The following VEGFA variants were observed in gnomAD, a reference collection of about 807,000 sequenced individuals.
The protein encoded by VEGFA is vascular endothelial growth factor A, long form.
A neutral mutation model predicts 49.7 loss-of-function variants in VEGFA; 20 were observed. The ratio of observed to expected loss-of-function variants is 0.40; its 90% CI spans 0.28 to 0.58. The LOEUF (loss-of-function observed/expected upper bound fraction) is 0.58, where lower values mean the gene tolerates loss of function less well. Among genes scored for constraint, VEGFA ranks in the 20% least tolerant of loss-of-function variants. The pLI is 0.40. For synonymous variants in VEGFA, 219 were observed against 223.4 expected, an observed-to-expected ratio of 0.98 and a Z score of 0.18; for missense variants, 505 against 553.5, an observed-to-expected ratio of 0.91 and a Z score of 0.88.
In VEGFA at chr6:43,782,076, A is replaced by T. The variant is rs765514291; in HGVS notation, c.1155A>T (p.Glu385Asp). ...AGGCGAGGCAGCTTGAGTTAAACGA[A>T]CGTACTTGCAGGTTGGTTCCCAGAG... Residue 385 changes from glutamate to aspartate, a missense_variant, in exon 7 of 8, where the codon GAA (glutamate) becomes GAT (aspartate). This residue lies in a region of VEGFA where 165 missense variants were observed against 231.7 expected (regional missense o/e 0.71). Transcript: ENST00000672860. 1 of 1,613,844 alleles carries T rather than the reference A, an allele frequency of 6.2e-7. No individual in the cohort carries two copies. The highest frequency in any genetic ancestry group is 8.5e-7 in the Non-Finnish European group (1 of 1,179,952).
chr6:43,774,785 A>G lies in VEGFA; in HGVS notation c.658+393A>G, dbSNP rs77117352. On this transcript the variant is annotated intron_variant, in intron 2 of 7. Transcript: ENST00000672860. ...ATATAGACATGTCCCATTTGTGGGA[A>G]CTGTGACCCTTCCTGTGTGAGCTGG... is the stretch of plus-strand genomic sequence containing the variant. 17 of 343,116 alleles carry G rather than the reference A, an allele frequency of 5.0e-5. No individual in the cohort carries two copies. The East Asian group carries it at 8.4e-4, about 17-fold the overall frequency. The allele number at this position is 343,116 out of a possible 1,614,324, so 21.3% of individuals were successfully genotyped here.
At chr6:43,780,954 C>T (rs1033314618) in intron 6 of VEGFA, 151 bp downstream of exon 6, 1 of 1,589,366 alleles carries the variant, frequency 6.3e-7, no homozygotes, top group African/African-American at 1.3e-5. Flanking sequence ...CACTCTCTCA[C>T]TCCACTAATT....
Position 43,780,796 on chromosome 6 carries a change from T to C in VEGFA, c.1027T>C (p.Trp343Arg). 3.1e-6 allele frequency: 5 copies of C among 1,613,952 alleles called. No homozygotes were observed. Among genetic ancestry groups the C allele is most frequent in the Non-Finnish European group, 4.2e-6 (5 of 1,179,972 alleles). ...GCGCAAGAAATCCCGGTATAAGTCC[T>C]GGAGCGTGTACGTTGGTGCCCGCTG... The change falls in exon 6 of 8, where the codon TGG (tryptophan) becomes CGG (arginine). Residue 343 changes from tryptophan (W) to arginine (R), a missense_variant. Physicochemically the swap from Trp to Arg is moderately radical, Grantham distance 101. This residue lies in a region of VEGFA where 165 missense variants were observed against 231.7 expected (regional missense o/e 0.71). Coordinates refer to ENST00000672860, the MANE Select transcript of VEGFA (RefSeq NM_003376.6).
chr6:43,778,759 G>T (rs945462785), intron 4 of VEGFA, 130 bp from the exon 5 acceptor site: 3 of 1,116,010 alleles, frequency 2.7e-6, no homozygotes, highest in African/African-American at 3.1e-5. Flanking sequence ...TATATGAAAA[G>T]ATTAAAACAG....
At position 43,777,907 on chromosome 6, in the gene VEGFA, G is replaced by A. The variant is rs1765981969; in HGVS notation, c.855+242G>A. On this transcript the variant is annotated intron_variant, in intron 3 of 7. Transcript: ENST00000672860. The surrounding 1 kb of genome is among the most constrained non-coding windows in gnomAD (Gnocchi z 4.3). ...GATGGTTGCCCATGGGCTCAGGAGG[G>A]GACAGATGGATGCCTGTGTCAGGAG... is the stretch of plus-strand genomic sequence containing the variant. The A allele has an allele frequency of 1.7e-6, 1 of 572,904 alleles. No homozygotes were observed. The highest frequency in any genetic ancestry group is 3.6e-4 in the Middle Eastern group (1 of 2,800). 35.5% of individuals were successfully genotyped at this position (572,904 alleles called of 1,614,324 possible).
At chr6:43,782,122 G>C (rs527871008) in intron 7 of VEGFA, 35 bp downstream of exon 7, 5 of 1,610,778 alleles carry the variant, frequency 3.1e-6, no homozygotes, top group East Asian at 4.5e-5. Context: ...TCAGAGAGGG[G>C]CATCACACAG....
In VEGFA at chr6:43,781,967, C is replaced by T; in HGVS notation, c.1046C>T (p.Pro349Leu). ...TTGCCTTTTTGCAGTCCCTGTGGGCCTTGCTCAGAGCGGAGAAAGCATTTG... is the reference window on the plus strand; with the variant it reads ...TTGCCTTTTTGCAGTCCCTGTGGGCTTTGCTCAGAGCGGAGAAAGCATTTG... The change falls in exon 7 of 8, where the codon CCT (proline) becomes CTT (leucine). Residue 349 changes from proline (P) to leucine (L), a missense_variant. Pro to Leu is a moderately conservative substitution (Grantham distance 98). Around this residue, in one of 2 missense-constraint regions of VEGFA, gnomAD observed 165 missense variants for 231.7 expected, o/e 0.71. Transcript: ENST00000672860. 1 of 1,614,000 alleles carries T rather than the reference C, an allele frequency of 6.2e-7. No homozygotes were observed. The highest frequency in any genetic ancestry group is 8.5e-7 in the Non-Finnish European group (1 of 1,179,964).
chr6:43,780,613 G>A lies in VEGFA; in HGVS notation c.963-119G>A, dbSNP rs3025015. 0.051 allele frequency: 73,782 copies of A among 1,459,574 alleles called. 2,180 individuals are homozygous for A. Among genetic ancestry groups the A allele is most frequent in the South Asian group, 0.058 (4,917 of 84,526 alleles). 90.4% of individuals were successfully genotyped at this position (1,459,574 alleles called of 1,614,324 possible). A position where few individuals can be genotyped will look rare whatever the true frequency, so the allele number is the denominator to read the frequency against. Reference sequence around the variant, plus strand: ...CCACCTGCCTCCTGACACTTCCTCCGGGAAGCGGCCCTGTGTGGCTTTGCT... The same window carrying A: ...CCACCTGCCTCCTGACACTTCCTCCAGGAAGCGGCCCTGTGTGGCTTTGCT... On this transcript the variant is annotated intron_variant, in intron 5 of 7. Coordinates refer to ENST00000672860, the MANE Select transcript of VEGFA (RefSeq NM_003376.6).
At chr6:43,782,194 G>A (rs1280477296) in intron 7 of VEGFA, 107 bp downstream of exon 7, 2 of 1,494,898 alleles carry the variant, frequency 1.3e-6, no homozygotes, top group Admixed American at 1.8e-5. Flanking sequence ...GCGCCTGAGA[G>A]GGGCCAGCTG....
intron 6 of VEGFA, chr6:43,781,232 T>G: frequency 5.4e-6 from 2 of 367,906 alleles, no homozygotes; most frequent in Non-Finnish European, 1.0e-5. Flanking sequence ...TGTGAATGAC[T>G]GGAGGCAGCT....
Position 43,779,719 on chromosome 6 carries a change from C to T in VEGFA, c.962+801C>T, listed in dbSNP as rs567685771. 1.1e-4 allele frequency: 53 copies of T among 466,054 alleles called. 1 individual carries two copies. The East Asian group carries it at 2.4e-3, about 21-fold the overall frequency. The allele number at this position is 466,054 out of a possible 1,614,324, so 28.9% of individuals were successfully genotyped here. A position where few individuals can be genotyped will look rare whatever the true frequency, so the allele number is the denominator to read the frequency against. On this transcript the variant is annotated intron_variant, in intron 5 of 7. Coordinates refer to ENST00000672860, the MANE Select transcript of VEGFA (RefSeq NM_003376.6). ...TCCCAGCTTCCAGAGCGAGGGGATG[C>T]GGAAACCTTCCTTCCACCCTTTGGT...
intron 7 of VEGFA, chr6:43,782,547 G>C (rs1278527950): frequency 4.5e-5 from 12 of 265,716 alleles, no homozygotes; most frequent in Non-Finnish European, 2.2e-5. Context: ...CTGCATGGCT[G>C]GGCTTCTCAC....
At chr6:43,782,125 T>C (rs2128052352) in intron 7 of VEGFA, 38 bp downstream of exon 7, 1 of 1,610,362 alleles carries the variant, frequency 6.2e-7, no homozygotes. Flanking sequence ...GAGAGGGGCA[T>C]CACACAGAGA....
Position 43,771,159 on chromosome 6 carries a change from C to A in VEGFA, c.453C>A (p.Arg151=). The A allele has an allele frequency of 6.4e-7, 1 of 1,552,730 alleles. No individual in the cohort carries two copies. The change falls in exon 1 of 8, where the codon CGC becomes CGA. Residue 151 remains arginine, a synonymous_variant. Transcript: ENST00000672860. ...CGGGCCGGGGAGGAAGAGTAGCTCG[C>A]CGAGGCGCCGAGGAGAGCGGGCCGC...
Position 43,782,149 on chromosome 6 carries a change from A to G in VEGFA, c.1166+62A>G, listed in dbSNP as rs1768017767. ...ATCACACAGAGATGGGGAGAGAGAG[A>G]GAGAAAGAGAGTGAGCGAGCGAGCG... On this transcript the variant is annotated intron_variant, in intron 7 of 7. Coordinates refer to ENST00000672860, the MANE Select transcript of VEGFA (RefSeq NM_003376.6). 5 of 1,604,056 alleles carry G rather than the reference A, an allele frequency of 3.1e-6. No individual in the cohort carries two copies. In the East Asian group the frequency reaches 6.7e-5, roughly 22 times the overall value.
Position 43,777,942 on chromosome 6 carries a change from C to T in VEGFA, c.855+277C>T. The T allele has an allele frequency of 1.9e-6, 1 of 532,234 alleles. No homozygotes were observed. 33.0% of individuals were successfully genotyped at this position (532,234 alleles called of 1,614,324 possible). On this transcript the variant is annotated intron_variant, in intron 3 of 7. Transcript: ENST00000672860. The surrounding 1 kb of genome is among the most constrained non-coding windows in gnomAD (Gnocchi z 4.3). Reference sequence around the variant, plus strand: ...ATGCCTGTGTCAGGAGCCCCTCTCTCCCTCTCTTGGAGAGAGTCCTGAGTG... The same window carrying T: ...ATGCCTGTGTCAGGAGCCCCTCTCTTCCTCTCTTGGAGAGAGTCCTGAGTG...
At chr6:43,779,957 G>A (rs944457692) in intron 5 of VEGFA, 9 of 294,012 alleles carry the variant, frequency 3.1e-5, no homozygotes, top group East Asian at 8.3e-5. Context: ...GCCTGGGCTC[G>A]GAAGAGTGTC....
intron 1 of VEGFA, among the ~76,000 whole-genome samples, chr6:43,772,423 A>G (rs1007944812): frequency 9.9e-5 from 15 of 152,150 alleles, no homozygotes; most frequent in African/African-American, 3.1e-4. Context: ...TCCCTCGCCA[A>G]CAGTTCCGAG....
At chr6:43,782,533 A>G in intron 7 of VEGFA, 1 of 285,576 alleles carries the variant, frequency 3.5e-6, no homozygotes, top group South Asian at 3.4e-5. Flanking sequence ...CGGCCCTTTG[A>G]AGTCTGCATG....
Sources: gnomAD v4.1 joint callset for allele counts (sites outside exome capture counted in the v4.1 genomes callset) on GRCh38, gnomAD v4.1.1 for gene constraint, gnomAD v4.1.1 regional missense constraint, Gnocchi (gnomAD v3.1) non-coding constraint, MANE v1.5 for transcripts, NCBI Gene and HGNC (gene_info 2026-07-23, HGNC 2026-07-21) for gene names.